The following MT4 variants were observed in gnomAD, a reference collection of about 807,000 sequenced individuals.
The protein encoded by MT4 is metallothionein 4.
Under a neutral mutation model 9.5 loss-of-function variants are expected in MT4, and 11 were observed. The ratio of observed to expected loss-of-function variants is 1.16; its 90% CI spans 0.73 to 1.92. The LOEUF (loss-of-function observed/expected upper bound fraction) is 1.92, where lower values mean the gene tolerates loss of function less well. MT4 is among the 30% of genes most tolerant of loss of function. The pLI is 0.00. For synonymous variants in MT4, 29 were observed against 24.6 expected (o/e 1.18, Z -0.53); for missense variants, 88 against 78.7 (o/e 1.12, Z -0.45).
intron 1 of MT4, among the ~76,000 whole-genome samples, chr16:56,566,824 AAAGAAAG>A (rs1300589129): frequency 8.1e-4 from 88 of 108,150 alleles, no homozygotes; most frequent in African/African-American, 3.5e-3. Context: ...GAAAGAAAAG[AAAGAAAG>A]AAAGAAAGAA....
At chr16:56,566,819 AAAAG>A (rs199947899) in intron 1 of MT4, among the ~76,000 whole-genome samples, 624 of 52,396 alleles carry the variant, frequency 0.012, 24 homozygotes, top group African/African-American at 0.032. Context: ...AGAAAGAAAG[AAAAG>A]AAAGAAAGAA....
chr16:56,566,062 T>TC (rs1959514134), intron 1 of MT4, among the ~76,000 whole-genome samples: 1 of 73,630 alleles, frequency 1.4e-5, no homozygotes, highest in South Asian at 4.5e-4. Context: ...AGACCCTTTC[T>TC]CAAAAAAAAA....
In MT4 at chr16:56,565,272, GGTTC is replaced by G; in HGVS notation, c.31+116_31+119del. 3 of 1,196,970 alleles carry G rather than the reference GGTTC, an allele frequency of 2.5e-6. No homozygotes were observed. In the East Asian group the frequency reaches 8.3e-5, roughly 33 times the overall value. The allele number at this position is 1,196,970 out of a possible 1,614,324, so 74.1% of individuals were successfully genotyped here. A position where few individuals can be genotyped will look rare whatever the true frequency, so the allele number is the denominator to read the frequency against. On this transcript the variant is annotated intron_variant, in intron 1 of 2. Coordinates refer to ENST00000219162, the MANE Select transcript of MT4 (RefSeq NM_032935.3). ...CCCTCTAATTAGGAGCCACCAATGG[GGTTC>G]GTCCTGGGAGCCGACAGGTGGACTG...
chr16:56,567,773 C>G lies in MT4; in HGVS notation c.54C>G (p.Asp18Glu). 6.2e-7 allele frequency: 1 copy of G among 1,613,494 alleles called. No homozygotes were observed. Among genetic ancestry groups the G allele is most frequent in the Non-Finnish European group, 8.5e-7 (1 of 1,179,508 alleles). The change falls in exon 2 of 3, where the codon GAC becomes GAG. Residue 18 changes from aspartate to glutamate, a missense_variant. Physicochemically the swap from Asp to Glu is conservative, Grantham distance 45. Transcript: ENST00000219162. ...TAGGAGGAATCTGCATGTGTGGAGACAACTGCAAATGCACAACCTGCAACT... is the reference window on the plus strand; with the variant it reads ...TAGGAGGAATCTGCATGTGTGGAGAGAACTGCAAATGCACAACCTGCAACT... ...CMSGGICMCG[D>E]NCKCTTCNCK...
chr16:56,568,227 GAAAGAAAGAA>G (rs1959567928), intron 2 of MT4, among the ~76,000 whole-genome samples: 38 of 53,896 alleles, frequency 7.1e-4, no homozygotes, highest in South Asian at 2.3e-3. Context: ...AAGAAAGAAA[GAAAGAAAGAA>G]AGAAAGAAAG....
Position 56,567,816 on chromosome 16 carries a change from A to G in MT4, c.97A>G (p.Ser33Gly), listed in dbSNP as rs1959555642. The G allele has an allele frequency of 6.2e-7, 1 of 1,611,714 alleles. No individual in the cohort carries two copies. Among genetic ancestry groups the G allele is most frequent in the African/African-American group, 1.3e-5 (1 of 74,862 alleles). ...TTCNCKTYWK[S>G]CCPCCPPGCA... Reference sequence around the variant, plus strand: ...CTGCAACTGTAAAACATATTGGAAGAGTGAGTATGGTGACTGGGGGCACCA... The same window carrying G: ...CTGCAACTGTAAAACATATTGGAAGGGTGAGTATGGTGACTGGGGGCACCA... The change falls in exon 2 of 3, where the codon AGC (serine) becomes GGC (glycine). Residue 33 changes from serine (S) to glycine (G), a missense_variant and splice_region_variant. Transcript: ENST00000219162.
intron 2 of MT4, among the ~76,000 whole-genome samples, chr16:56,568,052 C>T (rs1309424665): frequency 1.3e-5 from 2 of 151,440 alleles, no homozygotes; most frequent in African/African-American, 4.9e-5. Context: ...ACTCAGGAGG[C>T]TGAGGCAGGA....
intron 2 of MT4, among the ~76,000 whole-genome samples, 188 bp from the exon 3 acceptor site, chr16:56,568,653 T>C (rs1167039402): frequency 1.3e-5 from 2 of 152,176 alleles, no homozygotes; most frequent in African/African-American, 4.8e-5. Context: ...TGATGGACTC[T>C]AGATGGTCCC....
intron 1 of MT4, 89 bp from the exon 2 acceptor site, chr16:56,567,662 C>G (rs1054096986): frequency 5.3e-5 from 66 of 1,237,552 alleles, no homozygotes; most frequent in Non-Finnish European, 7.5e-5. Context: ...AGCCCAGGAG[C>G]CTTGCCACTC....
intron 2 of MT4, among the ~76,000 whole-genome samples, chr16:56,568,222 A>G (rs1211847786): frequency 4.0e-5 from 1 of 24,760 alleles, no homozygotes; most frequent in African/African-American, 1.1e-4. Flanking sequence ...AGAGAAAGAA[A>G]GAAAGAAAGA....
At chr16:56,568,197 AAGAG>A (rs369467435) in intron 2 of MT4, among the ~76,000 whole-genome samples, 1,644 of 93,666 alleles carry the variant, frequency 0.018, 106 homozygotes, top group African/African-American at 0.047. Context: ...GGAAGGAAGG[AAGAG>A]AGAGAGAGAG....
intron 2 of MT4, among the ~76,000 whole-genome samples, chr16:56,568,315 A>AAGAAAG (rs1199054991): frequency 6.8e-6 from 1 of 147,614 alleles, no homozygotes; most frequent in Non-Finnish European, 1.5e-5. Context: ...GAAAGAAAGA[A>AAGAAAG]AGAAAGAAAG....
chr16:56,565,240 T>C (rs1959502035), intron 1 of MT4, 81 bp downstream of exon 1: 1 of 1,502,886 alleles, frequency 6.7e-7, no homozygotes, highest in Non-Finnish European at 9.1e-7. Context: ...TGATGAAAAC[T>C]TCTCTTCCCT....
rs1369844684 is a variant in MT4 at position 56,565,146 on chromosome 16, T to C, written c.18T>C (p.Cys6=). 6.2e-7 allele frequency: 1 copy of C among 1,613,034 alleles called. No individual in the cohort carries two copies. Among genetic ancestry groups the C allele is most frequent in the East Asian group, 2.2e-5 (1 of 44,774 alleles). Residue 6 remains cysteine, a synonymous_variant, in exon 1 of 3, where the codon TGT becomes TGC. Transcript: ENST00000219162. ...CCTGGACCATGGACCCCAGGGAATG[T>C]GTCTGCATGTCTGGTGAGTAAAGAA... MDPRE[C]VCMSGGICMC...
intron 1 of MT4, among the ~76,000 whole-genome samples, chr16:56,566,819 A>AAAAGAAAG (rs199947899): frequency 4.2e-4 from 22 of 52,522 alleles, no homozygotes; most frequent in African/African-American, 1.5e-3. Context: ...AGAAAGAAAG[A>AAAAGAAAG]AAAGAAAGAA....
intron 2 of MT4, among the ~76,000 whole-genome samples, chr16:56,568,534 A>G (rs1959583504): frequency 6.6e-6 from 1 of 152,114 alleles, no homozygotes; most frequent in Non-Finnish European, 1.5e-5. Context: ...TGTCCTGCCC[A>G]GTGGTAACAG....
In MT4 at chr16:56,568,879, G is replaced by T. The variant is rs777699280; in HGVS notation, c.136G>T (p.Ala46Ser). The change falls in exon 3 of 3, where the codon GCC becomes TCC. Residue 46 changes from alanine to serine, a missense_variant. Transcript: ENST00000219162. ...CTGCCCCCCGGGCTGTGCCAAATGTGCCCGGGGCTGCATCTGCAAAGGAGG... is the reference window on the plus strand; with the variant it reads ...CTGCCCCCCGGGCTGTGCCAAATGTTCCCGGGGCTGCATCTGCAAAGGAGG... ...PCCPPGCAKC[A>S]RGCICKGGSD... The T allele has an allele frequency of 5.7e-5, 92 of 1,608,992 alleles. No homozygotes were observed. The highest frequency in any genetic ancestry group is 7.3e-5 in the Non-Finnish European group (86 of 1,177,408).
rs781415610 is a variant in MT4 at position 56,568,831 on chromosome 16, ACT to A, written c.98-7_98-6del. The A allele has an allele frequency of 6.3e-7, 1 of 1,576,906 alleles. No homozygotes were observed. Among genetic ancestry groups the A allele is most frequent in the Non-Finnish European group, 8.6e-7 (1 of 1,160,776 alleles). ...CCACAGCGGATCTGCGCATCTCCTG[ACT>A]CTTTCAGGCTGCTGTCCCTGCTGCC... On this transcript the variant is annotated splice_region_variant and splice_polypyrimidine_tract_variant and intron_variant, in intron 2 of 2. Transcript: ENST00000219162.
intron 2 of MT4, 126 bp from the exon 3 acceptor site, chr16:56,568,715 G>A (rs1959585474): frequency 1.7e-6 from 1 of 597,244 alleles, no homozygotes; most frequent in Admixed American, 2.8e-5. Context: ...CAGCATTTTT[G>A]CTAATGTGGA....
Sources: gnomAD v4.1 joint callset for allele counts (sites outside exome capture counted in the v4.1 genomes callset) on GRCh38, gnomAD v4.1.1 for gene constraint, MANE v1.5 for transcripts, NCBI Gene and HGNC (gene_info 2026-07-23, HGNC 2026-07-21) for gene names.